SGCG: variants seen among roughly 807,000 people sequenced by gnomAD.
The protein encoded by SGCG is gamma-sarcoglycan.
SGCG carries 26 observed loss-of-function variants against 29.3 expected under a neutral mutation model. The observed-to-expected ratio is 0.89, with a 90% CI of 0.65 to 1.23. SGCG has a LOEUF of 1.23. Ranked by LOEUF, SGCG falls within the 50% of genes most tolerant of loss-of-function variation. The pLI, the probability that SGCG is intolerant of heterozygous loss-of-function variation, is 0.00. For missense variants in SGCG, 353 were observed against 356.0 expected (o/e 0.99, Z 0.07); for synonymous variants, 145 against 129.7 (o/e 1.12, Z -0.80).
intron 5 of SGCG, among the ~76,000 whole-genome samples, chr13:23,287,172 T>C (rs1387922695): frequency 2.0e-5 from 3 of 152,180 alleles, no homozygotes; most frequent in African/African-American, 7.2e-5. Flanking sequence ...AGGAAGGTAA[T>C]CTGGGTAGCC....
intron 3 of SGCG, among the ~76,000 whole-genome samples, chr13:23,249,756 A>G (rs1349609408): frequency 6.6e-6 from 1 of 152,218 alleles, no homozygotes; most frequent in Non-Finnish European, 1.5e-5. Flanking sequence ...CACAATGGAC[A>G]GCATTCATAT....
intron 1 of SGCG, among the ~76,000 whole-genome samples, chr13:23,199,025 G>A (rs1027189486): frequency 5.3e-4 from 80 of 151,114 alleles, no homozygotes; most frequent in African/African-American, 1.8e-3. Context: ...GGAGAATGAC[G>A]GGGACCTGGA....
rs370469651 is a variant in SGCG at position 23,181,727 on chromosome 13, A to G, written c.-1+652A>G. On this transcript the variant is annotated intron_variant, in intron 1 of 7. Transcript: ENST00000218867. ...TACACATGTGCTAATGCTTCAGCTT[A>G]CTGAAGTTATGAGTTCTTTCTTTGC... Among the ~76,000 whole-genome samples the G allele has an allele frequency of 3.9e-5, 6 of 152,248 alleles. No homozygotes were observed. The East Asian group carries it at 9.6e-4, about 24-fold the overall frequency.
chr13:23,247,633 T>G (rs9550937), intron 3 of SGCG, among the ~76,000 whole-genome samples: 17,327 of 152,112 alleles, frequency 0.11, 1,232 homozygotes, highest in East Asian at 0.38. Flanking sequence ...ATTCGTATAT[T>G]ATAGGAATTC....
intron 1 of SGCG, among the ~76,000 whole-genome samples, chr13:23,187,897 A>G (rs1877056293): frequency 6.6e-6 from 1 of 152,210 alleles, no homozygotes; most frequent in Non-Finnish European, 1.5e-5. Context: ...TCTGCTGCAG[A>G]TGGCATGGCC....
At chr13:23,175,561 T>C in the SGCG span, among the ~76,000 whole-genome samples, 2 of 152,196 alleles carry the variant, frequency 1.3e-5, no homozygotes, top group African/African-American at 4.8e-5. Context: ...TATAACATAA[T>C]ACGGAAATTT....
intron 6 of SGCG, among the ~76,000 whole-genome samples, chr13:23,316,172 T>C (rs1882802455): frequency 1.3e-5 from 2 of 152,204 alleles, no homozygotes; most frequent in African/African-American, 4.8e-5. Flanking sequence ...CTTGGGGTGA[T>C]AAGCCAGCTA....
At chr13:23,314,183 TATATATAGAG>T (rs1428483025) in intron 6 of SGCG, among the ~76,000 whole-genome samples, 4 of 130,750 alleles carry the variant, frequency 3.1e-5, no homozygotes, top group African/African-American at 7.7e-5. Context: ...ACAGTATATA[TATATATAGAG>T]AGAGAGAGAG....
rs1433903594 is a variant in SGCG, at chr13:23,224,680, A to ACACACACACC, written c.196-9930_196-9929insACACACACCC. ...AGGGCACACATACACACACACACAC[A>ACACACACACC]CCCCACACCAGTGCAAGCACTGCTA... On this transcript the variant is annotated intron_variant, in intron 2 of 7. Transcript: ENST00000218867. Among the ~76,000 whole-genome samples the ACACACACACC allele has an allele frequency of 2.5e-3, 372 of 150,666 alleles. 3 individuals are homozygous for ACACACACACC. The highest frequency in any genetic ancestry group is 7.6e-3 in the African/African-American group (312 of 40,958).
At chr13:23,320,826 T>C in intron 7 of SGCG, 66 bp downstream of exon 7, 4 of 1,497,744 alleles carry the variant, frequency 2.7e-6, no homozygotes, top group Non-Finnish European at 3.7e-6. Context: ...ACCATGTCTG[T>C]AAAGCTATCA....
At chr13:23,262,245 T>C (rs1483642835) in intron 4 of SGCG, among the ~76,000 whole-genome samples, 3 of 151,910 alleles carry the variant, frequency 2.0e-5, no homozygotes, top group Non-Finnish European at 2.9e-5. Context: ...ACAAACCAAA[T>C]ATCTGCTGTT....
chr13:23,290,967 A>G (rs1566033819), intron 5 of SGCG, among the ~76,000 whole-genome samples: 1 of 152,146 alleles, frequency 6.6e-6, no homozygotes, highest in Non-Finnish European at 1.5e-5. Context: ...GATCTTTTCA[A>G]CTGCCTTCAT....
At chr13:23,277,806 C>A (rs2137614962) in intron 4 of SGCG, among the ~76,000 whole-genome samples, 1 of 149,692 alleles carries the variant, frequency 6.7e-6, no homozygotes, top group Admixed American at 6.7e-5. Flanking sequence ...TCATGCCATT[C>A]TCCCGCCTCA....
chr13:23,322,299 G>A (rs1485034866), intron 7 of SGCG, among the ~76,000 whole-genome samples: 1 of 152,170 alleles, frequency 6.6e-6, no homozygotes, highest in East Asian at 1.9e-4. Flanking sequence ...CAGGACATAG[G>A]GTTTATTGAG....
rs532554990 is a variant in SGCG at position 23,222,471 on chromosome 13, G to A, written c.196-12140G>A. ...TTATGATTCATTTATTTCCATATAGGTATCTAATTCAATCAGCACTTTTTT... is the reference window on the plus strand; with the variant it reads ...TTATGATTCATTTATTTCCATATAGATATCTAATTCAATCAGCACTTTTTT... On this transcript the variant is annotated intron_variant, in intron 2 of 7. Transcript: ENST00000218867. Among the ~76,000 whole-genome samples, 5 of 151,818 alleles carry A rather than the reference G, an allele frequency of 3.3e-5. No homozygotes were observed. In the South Asian group the frequency reaches 6.3e-4, roughly 19 times the overall value.
At chr13:23,169,031 G>A in the SGCG span, among the ~76,000 whole-genome samples, 1 of 151,384 alleles carries the variant, frequency 6.6e-6, no homozygotes, top group African/African-American at 2.4e-5. Flanking sequence ...CATCCATAAG[G>A]TTTAGTAATT....
Position 23,324,868 on chromosome 13 carries a change from G to A in SGCG, c.*327G>A. ...GTGGGCACACACTGAGTGTTGAGTT[G>A]CCGTGTGGAGTTAATGTATGACGCT... On this transcript the variant is annotated 3_prime_UTR_variant, in exon 8 of 8. Coordinates refer to ENST00000218867, the MANE Select transcript of SGCG (RefSeq NM_000231.3). 2.6e-6 allele frequency: 1 copy of A among 378,112 alleles called. No homozygotes were observed. The highest frequency in any genetic ancestry group is 3.7e-5 in the Admixed American group (1 of 27,132). 23.4% of individuals were successfully genotyped at this position (378,112 alleles called of 1,614,324 possible).
At chr13:23,171,436 C>T in the SGCG span, among the ~76,000 whole-genome samples, 21 of 152,194 alleles carry the variant, frequency 1.4e-4, no homozygotes, top group African/African-American at 5.1e-4. Flanking sequence ...TTTGTTATCT[C>T]TAAGGAAAGA....
intron 6 of SGCG, among the ~76,000 whole-genome samples, chr13:23,300,097 A>G (rs1013989439): frequency 2.0e-5 from 3 of 152,234 alleles, no homozygotes; most frequent in Admixed American, 6.5e-5. Context: ...AATTCTGTGT[A>G]ACACCATAAG....
Sources: gnomAD v4.1 joint callset for allele counts (sites outside exome capture counted in the v4.1 genomes callset) on GRCh38, gnomAD v4.1.1 for gene constraint, MANE v1.5 for transcripts, NCBI Gene and HGNC (gene_info 2026-07-23, HGNC 2026-07-21) for gene names.